ACSL1: variants seen among roughly 807,000 people sequenced by gnomAD.
ACSL1 encodes the protein acyl-CoA synthetase long chain family member 1.
Under a neutral mutation model 98.4 loss-of-function variants are expected in ACSL1, and 41 were observed. That is an observed-to-expected ratio of 0.42 (90% CI 0.32 to 0.54). ACSL1 has a LOEUF of 0.54. Ranked by LOEUF, ACSL1 falls within the 20% of genes least tolerant of loss-of-function variation. The probability of loss-of-function intolerance (pLI) is 0.13; values close to 1 mark genes in which losing one functional copy is unlikely to be tolerated. For synonymous variants in ACSL1, 316 were observed against 322.7 expected (o/e 0.98, Z 0.22); for missense variants, 734 against 883.1 (o/e 0.83, Z 2.14).
intron 2 of ACSL1, among the ~76,000 whole-genome samples, chr4:184,790,367 CT>C (rs1183143573): frequency 6.6e-6 from 1 of 152,004 alleles, no homozygotes; most frequent in African/African-American, 2.4e-5. Flanking sequence ...TCCTCCCAGT[CT>C]TTTTTTTATG....
At chr4:184,817,913 C>A (rs933983233) in intron 1 of ACSL1, among the ~76,000 whole-genome samples, 1 of 152,170 alleles carries the variant, frequency 6.6e-6, no homozygotes, top group African/African-American at 2.4e-5. Flanking sequence ...CAGCCCTGAC[C>A]CCAAGGACAA....
At chr4:184,822,167 T>A (rs1327826506) in intron 1 of ACSL1, among the ~76,000 whole-genome samples, 1 of 152,162 alleles carries the variant, frequency 6.6e-6, no homozygotes, top group Non-Finnish European at 1.5e-5. Flanking sequence ...GTTTTTACTT[T>A]TTTTTTTCTA....
At chr4:184,791,952 T>C (rs1039312974) in intron 2 of ACSL1, among the ~76,000 whole-genome samples, 2 of 152,186 alleles carry the variant, frequency 1.3e-5, no homozygotes, top group African/African-American at 2.4e-5. Flanking sequence ...TCAAGACAGG[T>C]CAACCACCTT....
chr4:184,755,926 G>T lies in ACSL1; in HGVS notation c.*1199C>A, dbSNP rs1291776741. 2 of 152,564 alleles carry T rather than the reference G, an allele frequency of 1.3e-5. No homozygotes were observed. The highest frequency in any genetic ancestry group is 4.8e-5 in the African/African-American group (2 of 41,438). 9.5% of individuals were successfully genotyped at this position (152,564 alleles called of 1,614,324 possible). On this transcript the variant is annotated 3_prime_UTR_variant, in exon 21 of 21. Coordinates refer to ENST00000281455, the MANE Select transcript of ACSL1 (RefSeq NM_001995.5). Reference sequence around the variant, plus strand: ...AAGACTCACAATAAAGTGAACTGCTGTTAATTTCCCAAATTAACTTTAAAA... The same window carrying T: ...AAGACTCACAATAAAGTGAACTGCTTTTAATTTCCCAAATTAACTTTAAAA...
intron 17 of ACSL1, among the ~76,000 whole-genome samples, chr4:184,760,843 C>T (rs1047394350): frequency 2.0e-5 from 3 of 152,236 alleles, no homozygotes; most frequent in Non-Finnish European, 4.4e-5. Flanking sequence ...ACACATCTGG[C>T]TCACCAAGTG....
chr4:184,786,692 CTTTT>C (rs34391801), intron 3 of ACSL1, among the ~76,000 whole-genome samples: 7 of 123,800 alleles, frequency 5.7e-5, no homozygotes, highest in Non-Finnish European at 6.7e-5. Flanking sequence ...TAGGCACTTT[CTTTT>C]TTTTTTTTTT....
chr4:184,785,009 C>T (rs1196451288), intron 3 of ACSL1, among the ~76,000 whole-genome samples: 1 of 152,180 alleles, frequency 6.6e-6, no homozygotes, highest in Admixed American at 6.5e-5. Flanking sequence ...CGATTTTATT[C>T]CTCAAAAACA....
chr4:184,782,264 T>TTAA lies in ACSL1; in HGVS notation c.375+1662_375+1663insTTA, dbSNP rs544558856. On this transcript the variant is annotated intron_variant, in intron 4 of 20. Coordinates refer to ENST00000281455, the MANE Select transcript of ACSL1 (RefSeq NM_001995.5). ...TATTTCTAGATCGGTCATACATTCT[T>TTAA]AAAAAAAAAAAAACAACCCTTTAAG... Among the ~76,000 whole-genome samples the TTAA allele has an allele frequency of 2.2e-4, 32 of 143,248 alleles. No individual in the cohort carries two copies. The East Asian group carries it at 5.8e-3, about 26-fold the overall frequency. 94.0% of individuals were successfully genotyped at this position (143,248 alleles called of 152,430 possible).
Position 184,776,634 on chromosome 4 carries a change from C to T in ACSL1, c.606G>A (p.Lys202=). Residue 202 remains lysine (K), a synonymous_variant, in exon 7 of 21, where the codon AAG becomes AAA. Coordinates refer to ENST00000281455, the MANE Select transcript of ACSL1 (RefSeq NM_001995.5). The part of the protein sequence containing the change: ...KAELSLVFVD[K]PEKAKLLLEG... ...CTAATAAGAGTTTGGCCTTCTCTGG[C>T]TTGTCAACAAAAACCAGAGAGAGTT... 1.2e-6 allele frequency: 2 copies of T among 1,612,306 alleles called. No homozygotes were observed. The highest frequency in any genetic ancestry group is 1.7e-6 in the Non-Finnish European group (2 of 1,179,822).
At chr4:184,826,435 C>T (rs954094371), upstream of ACSL1, 1 of 152,398 alleles carries the variant, frequency 6.6e-6, no homozygotes, top group Admixed American at 6.5e-5. Flanking sequence ...CTGCGAGGGC[C>T]CTGGAGGCAA....
At chr4:184,768,289 C>G in intron 12 of ACSL1, 27 bp downstream of exon 12, 1 of 1,605,966 alleles carries the variant, frequency 6.2e-7, no homozygotes, top group South Asian at 1.1e-5. Flanking sequence ...AGTGCTCAGT[C>G]CTGGGACTTC....
At chr4:184,780,658 G>GC (rs1766096975) in intron 4 of ACSL1, among the ~76,000 whole-genome samples, 2 of 152,186 alleles carry the variant, frequency 1.3e-5, no homozygotes, top group Non-Finnish European at 2.9e-5. Flanking sequence ...CTTCTGCAAA[G>GC]AAAATTAATC....
chr4:184,787,885 A>C (rs1243187097), intron 3 of ACSL1, among the ~76,000 whole-genome samples: 2 of 145,310 alleles, frequency 1.4e-5, no homozygotes, highest in Non-Finnish European at 3.0e-5. Context: ...AAAGTGCACA[A>C]GTCTGGGCAT....
intron 3 of ACSL1, among the ~76,000 whole-genome samples, chr4:184,786,730 G>A (rs1350177985): frequency 2.9e-5 from 4 of 139,402 alleles, no homozygotes; most frequent in Non-Finnish European, 4.5e-5. Flanking sequence ...GTCTCGCTGT[G>A]TCACCCAGGC....
At chr4:184,774,589 A>C (rs778248843) in intron 7 of ACSL1, among the ~76,000 whole-genome samples, 2 of 152,186 alleles carry the variant, frequency 1.3e-5, no homozygotes, top group Non-Finnish European at 2.9e-5. Flanking sequence ...GGTTCGGTTT[A>C]CTGCATTAGG....
rs41278581 is a variant in ACSL1, at chr4:184,762,856, G to A, written c.1521+311C>T. Among the ~76,000 whole-genome samples the A allele has an allele frequency of 1.7e-3, 253 of 152,292 alleles. 2 individuals carry two copies. Among genetic ancestry groups the A allele is most frequent in the Middle Eastern group, 0.01 (3 of 294 alleles). On this transcript the variant is annotated intron_variant, in intron 16 of 20. Coordinates refer to ENST00000281455, the MANE Select transcript of ACSL1 (RefSeq NM_001995.5). ...CCAGCAGCCAGCAGCTCACTAATAG[G>A]TACCCAGGGCAATCAACAGGCAGGA...
intron 3 of ACSL1, among the ~76,000 whole-genome samples, chr4:184,785,683 G>A (rs910903838): frequency 3.5e-5 from 5 of 142,974 alleles, no homozygotes; most frequent in East Asian, 2.0e-4. Context: ...AAGAAGACTG[G>A]ACATACTTTC....
At position 184,780,452 on chromosome 4, in the gene ACSL1, A is replaced by T. The variant is rs1423812209; in HGVS notation, c.376-19T>A. 1 of 1,599,282 alleles carries T rather than the reference A, an allele frequency of 6.3e-7. No individual in the cohort carries two copies. The highest frequency in any genetic ancestry group is 8.5e-7 in the Non-Finnish European group (1 of 1,171,598). The stretch of plus-strand genomic sequence containing the variant: ...CTGCAACCTAAAATGGAGAGGAAAA[A>T]GTCAGAAGCAGCATTGGGCCCCAAC... On this transcript the variant is annotated intron_variant, in intron 4 of 20. Coordinates refer to ENST00000281455, the MANE Select transcript of ACSL1 (RefSeq NM_001995.5).
intron 12 of ACSL1, among the ~76,000 whole-genome samples, chr4:184,767,467 T>C (rs1763788089): frequency 6.6e-6 from 1 of 151,996 alleles, no homozygotes; most frequent in Non-Finnish European, 1.5e-5. Context: ...AATAGAGAAA[T>C]ACACAGATGA....
Sources: gnomAD v4.1 joint callset for allele counts (sites outside exome capture counted in the v4.1 genomes callset) on GRCh38, gnomAD v4.1.1 for gene constraint, MANE v1.5 for transcripts, NCBI Gene and HGNC (gene_info 2026-07-23, HGNC 2026-07-21) for gene names.